Variants in ARHGAP8 observed in about 807,000 individuals in gnomAD.
ARHGAP8 encodes Rho GTPase activating protein 8, also known as rho GTPase-activating protein 8.
In ARHGAP8, 62 loss-of-function variants were observed where a neutral mutation model predicts 46.1. That is an observed-to-expected ratio of 1.34 (90% CI 1.10 to 1.66). The LOEUF is 1.66. Ranked by LOEUF, ARHGAP8 falls within the 40% of genes most tolerant of loss-of-function variation. The probability of loss-of-function intolerance (pLI) is 0.00; values close to 1 mark genes in which losing one functional copy is unlikely to be tolerated. For synonymous variants in ARHGAP8, 375 were observed against 243.1 expected (o/e 1.54, Z -5.05); for missense variants, 923 against 568.4 (o/e 1.62, Z -6.34).
At chr22:44,861,889 G>A (rs2070505142) in intron 11 of ARHGAP8, among the ~76,000 whole-genome samples, 1 of 152,108 alleles carries the variant, frequency 6.6e-6, no homozygotes, top group Admixed American at 6.5e-5. Flanking sequence ...GTGCTGGCTG[G>A]TCCCCATCAT....
In ARHGAP8 at chr22:44,763,374, G is replaced by A. The variant is rs767979869; in HGVS notation, c.-72+10747G>A. On this transcript the variant is annotated intron_variant, in intron 1 of 11. Coordinates refer to ENST00000356099, the MANE Select transcript of ARHGAP8 (RefSeq NM_181335.3). Reference sequence around the variant, plus strand: ...CAGCCAGGCGTAGTGGTGCGTGCCTGTAATCACAGCTACTCGGGAGGCTGA... The same window carrying A: ...CAGCCAGGCGTAGTGGTGCGTGCCTATAATCACAGCTACTCGGGAGGCTGA... Among the ~76,000 whole-genome samples, 50 of 150,444 alleles carry A rather than the reference G, an allele frequency of 3.3e-4. 1 individual carries two copies. The highest frequency in any genetic ancestry group is 1.1e-3 in the Admixed American group (17 of 14,980).
chr22:44,810,482 CG>C (rs963382233), intron 4 of ARHGAP8, among the ~76,000 whole-genome samples: 6 of 152,112 alleles, frequency 3.9e-5, no homozygotes, highest in African/African-American at 1.2e-4. Flanking sequence ...CCTCGTGATC[CG>C]CCTGCCTTGG....
intron 7 of ARHGAP8, among the ~76,000 whole-genome samples, chr22:44,830,297 T>A (rs571780226): frequency 6.6e-6 from 1 of 152,028 alleles, no homozygotes; most frequent in Admixed American, 6.6e-5. Flanking sequence ...GTGCTGTGAT[T>A]ACAGGCGTGA....
intron 1 of ARHGAP8, among the ~76,000 whole-genome samples, chr22:44,763,698 G>C (rs1026117848): frequency 6.6e-6 from 1 of 151,846 alleles, no homozygotes; most frequent in Non-Finnish European, 1.5e-5. Flanking sequence ...AATTCGGGGA[G>C]TTTTGGCAGG....
intron 4 of ARHGAP8, 100 bp from the exon 5 acceptor site, chr22:44,814,572 T>G: frequency 1.0e-6 from 1 of 977,878 alleles, no homozygotes. Context: ...AGGAGTAACA[T>G]TCTGAGACTC....
chr22:44,795,300 T>C (rs148919691), intron 2 of ARHGAP8, among the ~76,000 whole-genome samples: 1 of 152,200 alleles, frequency 6.6e-6, no homozygotes, highest in East Asian at 1.9e-4. Context: ...CTGGGGTGTC[T>C]TTGCATGTGC....
chr22:44,758,142 C>G (rs745423944), intron 1 of ARHGAP8, among the ~76,000 whole-genome samples: 1 of 152,076 alleles, frequency 6.6e-6, no homozygotes, highest in Non-Finnish European at 1.5e-5. Context: ...AAAGAGTAAC[C>G]AGATCTTTCT....
At chr22:44,833,121 G>A (rs554885400) in intron 7 of ARHGAP8, among the ~76,000 whole-genome samples, 1 of 59,978 alleles carries the variant, frequency 1.7e-5, no homozygotes, top group Admixed American at 1.8e-4. Flanking sequence ...TTTTGAGATA[G>A]AGTCTCCCTC....
chr22:44,822,287 G>T, intron 5 of ARHGAP8, 84 bp from the exon 6 acceptor site: 4 of 1,185,488 alleles, frequency 3.4e-6, no homozygotes, highest in Non-Finnish European at 4.8e-6. Flanking sequence ...TTGTTCTGCC[G>T]CCAACTCCCC....
chr22:44,847,828 G>A (rs1273564252), intron 8 of ARHGAP8, 145 bp from the exon 9 acceptor site: 15 of 1,065,562 alleles, frequency 1.4e-5, no homozygotes, highest in Non-Finnish European at 1.9e-5. Context: ...GTGGGTTGGG[G>A]AATATGGAAA....
At chr22:44,852,192 A>C (rs1259796493) in intron 10 of ARHGAP8, among the ~76,000 whole-genome samples, 2 of 26,722 alleles carry the variant, frequency 7.5e-5, no homozygotes, top group African/African-American at 1.3e-4. Flanking sequence ...ACTTTGTCAA[A>C]AAAAAAAAAA....
chr22:44,862,067 C>G (rs575838419), intron 11 of ARHGAP8, among the ~76,000 whole-genome samples: 17 of 152,336 alleles, frequency 1.1e-4, no homozygotes, highest in South Asian at 1.0e-3. Context: ...TCCTCCAGGA[C>G]ATGGAGGCCA....
At chr22:44,819,469 C>T (rs1416595424) in intron 5 of ARHGAP8, among the ~76,000 whole-genome samples, 2 of 152,180 alleles carry the variant, frequency 1.3e-5, no homozygotes, top group East Asian at 1.9e-4. Flanking sequence ...GTCAGGAGTT[C>T]GAGACCAGCC....
rs12483895 is a variant in ARHGAP8, at chr22:44,856,685, C to T, written c.878-3046C>T. On this transcript the variant is annotated intron_variant, in intron 10 of 11. Coordinates refer to ENST00000356099, the MANE Select transcript of ARHGAP8 (RefSeq NM_181335.3). ...ACACAAAACAAGACGAAAGGAGAAT[C>T]GTATCCCATGATTCTCCTCTTCACA... Among the ~76,000 whole-genome samples, 392 of 144,474 alleles carry T rather than the reference C, an allele frequency of 2.7e-3. 40 individuals are homozygous for T. In the East Asian group the frequency reaches 0.042, roughly 16 times the overall value. The allele number at this position is 144,474 out of a possible 152,430, so 94.8% of individuals were successfully genotyped here. A position where few individuals can be genotyped will look rare whatever the true frequency, so the allele number is the denominator to read the frequency against.
intron 10 of ARHGAP8, among the ~76,000 whole-genome samples, chr22:44,857,786 C>G (rs933971798): frequency 6.6e-6 from 1 of 151,370 alleles, no homozygotes; most frequent in Non-Finnish European, 1.5e-5. Context: ...GGCTAGTCAC[C>G]TAACCTCTCA....
intron 7 of ARHGAP8, among the ~76,000 whole-genome samples, chr22:44,843,055 A>AG (rs1251774057): frequency 6.6e-6 from 1 of 152,196 alleles, no homozygotes; most frequent in African/African-American, 2.4e-5. Context: ...CTGCATCCAG[A>AG]GGTGGGCAGT....
At chr22:44,861,493 G>C (rs945509280) in intron 11 of ARHGAP8, among the ~76,000 whole-genome samples, 12 of 152,124 alleles carry the variant, frequency 7.9e-5, no homozygotes, top group African/African-American at 2.9e-4. Context: ...AAGGCATCCA[G>C]CCATCTCACC....
chr22:44,858,278 G>GGCATGCATGTGGCTGAGTGCACACATGT lies in ARHGAP8; in HGVS notation c.878-1448_878-1421dup, dbSNP rs1374280219. Among the ~76,000 whole-genome samples the GGCATGCATGTGGCTGAGTGCACACATGT allele has an allele frequency of 2.0e-5, 3 of 152,110 alleles. No individual in the cohort carries two copies. The East Asian group carries it at 5.8e-4, about 29-fold the overall frequency. On this transcript the variant is annotated intron_variant, in intron 10 of 11. Transcript: ENST00000356099. ...GAGGATGTGGGTACACAGTAGCATAGGCATGCATGTGGCTGAGTGCACACA... is the reference window on the plus strand; with the variant it reads ...GAGGATGTGGGTACACAGTAGCATAGGCATGCATGTGGCTGAGTGCACACATGTGCATGCATGTGGCTGAGTGCACACA...
intron 3 of ARHGAP8, among the ~76,000 whole-genome samples, chr22:44,804,800 A>G (rs1408038900): frequency 1.3e-5 from 2 of 152,076 alleles, no homozygotes; most frequent in African/African-American, 4.8e-5. Flanking sequence ...CCCCCAATAT[A>G]TGCATTCTAT....
Sources: allele counts gnomAD v4.1 joint callset (sites outside exome capture counted in the v4.1 genomes callset), GRCh38; gene constraint gnomAD v4.1.1; transcripts MANE v1.5; gene names NCBI Gene and HGNC (gene_info 2026-07-23, HGNC 2026-07-21).